Variants in TKFC observed in about 807,000 individuals in gnomAD.
TKFC encodes the protein triokinase and FMN cyclase.
In TKFC, 46 loss-of-function variants were observed where a neutral mutation model predicts 61.0. The ratio of observed to expected loss-of-function variants is 0.75; its 90% CI spans 0.60 to 0.96. TKFC has a LOEUF of 0.96. Ranked by LOEUF, TKFC falls within the 50% of genes least tolerant of loss-of-function variation. TKFC has a pLI of 0.00. For synonymous variants in TKFC, 314 were observed against 330.1 expected, an observed-to-expected ratio of 0.95 and a Z score of 0.53; for missense variants, 715 against 777.5, an observed-to-expected ratio of 0.92 and a Z score of 0.96.
intron 7 of TKFC, chr11:61,342,248 T>G: frequency 1.5e-6 from 1 of 652,796 alleles, no homozygotes; most frequent in Admixed American, 2.7e-5. Context: ...TCGCCTGTGC[T>G]TCCTCCTTAA....
In TKFC at chr11:61,346,315, C is replaced by T; in HGVS notation, c.1576-36C>T. 3 of 1,610,450 alleles carry T rather than the reference C, an allele frequency of 1.9e-6. No homozygotes were observed. In the East Asian group the frequency reaches 6.7e-5, roughly 36 times the overall value. ...GGCAGGAAGGAGGCGGCCTGGTGAT[C>T]TGCCCTTGAACCTGCTCCCACACCC... On this transcript the variant is annotated intron_variant, in intron 17 of 17. Coordinates refer to ENST00000394900, the MANE Select transcript of TKFC (RefSeq NM_015533.4). The surrounding 1 kb of genome is among the most constrained non-coding windows in gnomAD (Gnocchi z 4.1).
downstream of TKFC, chr11:61,353,367 CA>C: frequency 1.6e-6 from 1 of 627,338 alleles, no homozygotes; most frequent in Non-Finnish European, 2.7e-6. Flanking sequence ...CCAGCAAACC[CA>C]ACCACCTTGT....
Position 61,333,320 on chromosome 11 carries a change from G to T in TKFC, c.-119G>T. The T allele has an allele frequency of 5.1e-6, 1 of 194,694 alleles. No individual in the cohort carries two copies. The allele number at this position is 194,694 out of a possible 1,614,324, so 12.1% of individuals were successfully genotyped here. A position where few individuals can be genotyped will look rare whatever the true frequency, so the allele number is the denominator to read the frequency against. Reference sequence around the variant, plus strand: ...GATGTGGCGGATGCGGCCGTGAGCCGGCGGGGGAGGTGCGCCAGTGTCCTC... The same window carrying T: ...GATGTGGCGGATGCGGCCGTGAGCCTGCGGGGGAGGTGCGCCAGTGTCCTC... On this transcript the variant is annotated 5_prime_UTR_variant, in exon 1 of 18. Coordinates refer to ENST00000394900, the MANE Select transcript of TKFC (RefSeq NM_015533.4).
intron 5 of TKFC, 106 bp downstream of exon 5, chr11:61,339,541 T>G: frequency 7.7e-7 from 1 of 1,301,744 alleles, no homozygotes; most frequent in Non-Finnish European, 1.0e-6. Context: ...AAGAAGCTAG[T>G]TCTTTTTCTC....
intron 2 of TKFC, among the ~76,000 whole-genome samples, chr11:61,336,807 C>A (rs1013591432): frequency 2.6e-5 from 4 of 152,198 alleles, no homozygotes; most frequent in African/African-American, 9.6e-5. Flanking sequence ...CTGTCCACAA[C>A]CCCTCCTGAG....
chr11:61,348,367 T>C lies in TKFC; in HGVS notation c.*1864T>C, dbSNP rs1857241399. 1 of 985,146 alleles carries C rather than the reference T, an allele frequency of 1.0e-6. No homozygotes were observed. The highest frequency in any genetic ancestry group is 1.7e-5 in the African/African-American group (1 of 57,310). The allele number at this position is 985,146 out of a possible 1,614,324, so 61.0% of individuals were successfully genotyped here. On this transcript the variant is annotated 3_prime_UTR_variant, in exon 18 of 18. Coordinates refer to ENST00000394900, the MANE Select transcript of TKFC (RefSeq NM_015533.4). ...ATGAAGACAGAGGATCATGTGGATCTTTGGTGCCTTCCGGTTGGCCCCTCC... is the reference window on the plus strand; with the variant it reads ...ATGAAGACAGAGGATCATGTGGATCCTTGGTGCCTTCCGGTTGGCCCCTCC...
downstream of TKFC, chr11:61,353,176 T>C: frequency 6.4e-7 from 1 of 1,555,232 alleles, no homozygotes; most frequent in Non-Finnish European, 8.7e-7. Flanking sequence ...GACTGTGCTA[T>C]GTGTGACCAA....
chr11:61,342,891 C>T (rs776539766), intron 10 of TKFC, 47 bp downstream of exon 10: 2 of 1,585,418 alleles, frequency 1.3e-6, no homozygotes, highest in Non-Finnish European at 8.7e-7. Flanking sequence ...TTGGAAAGGG[C>T]TGAGGGAGGG....
intron 2 of TKFC, 28 bp from the exon 3 acceptor site, chr11:61,337,913 T>G: frequency 6.3e-7 from 1 of 1,580,246 alleles, no homozygotes; most frequent in South Asian, 1.2e-5. Context: ...GACCACATTC[T>G]GACCTCCTTC....
chr11:61,348,049 T>C lies in TKFC; in HGVS notation c.*1546T>C. On this transcript the variant is annotated 3_prime_UTR_variant, in exon 18 of 18. Transcript: ENST00000394900. ...GGCTCCCCGAGTGCCTGGGCTTCTC[T>C]ACCCAGGGTCCTGTCTGTCGGCTGC... 2 of 985,394 alleles carry C rather than the reference T, an allele frequency of 2.0e-6. No individual in the cohort carries two copies. The highest frequency in any genetic ancestry group is 2.4e-6 in the Non-Finnish European group (2 of 829,944). The allele number at this position is 985,394 out of a possible 1,614,324, so 61.0% of individuals were successfully genotyped here. A position where few individuals can be genotyped will look rare whatever the true frequency, so the allele number is the denominator to read the frequency against.
chr11:61,346,482 C>T lies in TKFC; in HGVS notation c.1707C>T (p.Ile569=). The change falls in exon 18 of 18, where the codon ATC becomes ATT. Residue 569 remains isoleucine (I), a synonymous_variant. Transcript: ENST00000394900. The surrounding 1 kb of genome is among the most constrained non-coding windows in gnomAD (Gnocchi z 4.1). The part of the protein sequence containing the change: ...AVAAAAILRA[I]LEVLQS Reference sequence around the variant, plus strand: ...CAGCTGCTGCCATCCTCCGGGCCATCTTGGAGGTCTTGCAGAGCTAGGGTG... The same window carrying T: ...CAGCTGCTGCCATCCTCCGGGCCATTTTGGAGGTCTTGCAGAGCTAGGGTG... 1 of 1,607,560 alleles carries T rather than the reference C, an allele frequency of 6.2e-7. No individual in the cohort carries two copies.
At chr11:61,336,560 A>G (rs1856614289) in intron 2 of TKFC, among the ~76,000 whole-genome samples, 1 of 152,232 alleles carries the variant, frequency 6.6e-6, no homozygotes, top group African/African-American at 2.4e-5. Context: ...TCATGGGCAT[A>G]TACTCTGTTC....
rs1171285160 is a variant in TKFC, at chr11:61,345,720, A to G, written c.1460A>G (p.Lys487Arg). The change falls in exon 16 of 18, where the codon AAG becomes AGG. Residue 487 changes from lysine (K) to arginine (R), a missense_variant. Lys to Arg is a conservative substitution (Grantham distance 26). Coordinates refer to ENST00000394900, the MANE Select transcript of TKFC (RefSeq NM_015533.4). ...CTCTCTTTCCCTGCCAGGTATGGCA[A>G]GGCTGCTCCAGGGGACAGGACTATG... ...AGLEAMQKYG[K>R]AAPGDRTMLD... 1.2e-6 allele frequency: 2 copies of G among 1,614,238 alleles called. No homozygotes were observed. The highest frequency in any genetic ancestry group is 1.7e-6 in the Non-Finnish European group (2 of 1,180,034).
intron 10 of TKFC, 36 bp downstream of exon 10, chr11:61,342,880 T>G: frequency 6.2e-7 from 1 of 1,604,142 alleles, no homozygotes; most frequent in Non-Finnish European, 8.5e-7. Context: ...CCTACAGCCC[T>G]TTGGAAAGGG....
At chr11:61,350,287 A>G (rs1489002186), downstream of TKFC, 6 of 1,395,400 alleles carry the variant, frequency 4.3e-6, no homozygotes, top group Non-Finnish European at 5.9e-6. Flanking sequence ...TGGGCCCAGC[A>G]TTGGAAGAAA....
At chr11:61,351,284 CTTTTTTT>C (rs909648792), downstream of TKFC, 91 of 293,360 alleles carry the variant, frequency 3.1e-4, no homozygotes, top group Middle Eastern at 1.3e-3. Flanking sequence ...AACACCCTTT[CTTTTTTT>C]TTTTTTTTTT....
intron 2 of TKFC, chr11:61,336,184 GTTC>G (rs1454978935): frequency 6.5e-6 from 1 of 154,464 alleles, no homozygotes; most frequent in Non-Finnish European, 1.5e-5. Flanking sequence ...CAATCTTATT[GTTC>G]TTCTTGCTCC....
chr11:61,348,088 G>C lies in TKFC; in HGVS notation c.*1585G>C, dbSNP rs79764531. 16,342 of 985,316 alleles carry C rather than the reference G, an allele frequency of 0.017. 1,721 individuals are homozygous for C. The African/African-American group carries it at 0.23, about 14-fold the overall frequency. 61.0% of individuals were successfully genotyped at this position (985,316 alleles called of 1,614,324 possible). A position where few individuals can be genotyped will look rare whatever the true frequency, so the allele number is the denominator to read the frequency against. On this transcript the variant is annotated 3_prime_UTR_variant, in exon 18 of 18. Coordinates refer to ENST00000394900, the MANE Select transcript of TKFC (RefSeq NM_015533.4). ...TCTGTCGGCTGCACCATACGTCCCTGACCACAAGGCATCCACGTGCACAGG... is the reference window on the plus strand; with the variant it reads ...TCTGTCGGCTGCACCATACGTCCCTCACCACAAGGCATCCACGTGCACAGG...
Position 61,346,991 on chromosome 11 carries a change from G to C in TKFC, c.*488G>C. 5 of 986,968 alleles carry C rather than the reference G, an allele frequency of 5.1e-6. No homozygotes were observed. The highest frequency in any genetic ancestry group is 6.0e-6 in the Non-Finnish European group (5 of 830,984). 61.1% of individuals were successfully genotyped at this position (986,968 alleles called of 1,614,324 possible). ...AGGGGGCCCACAGCCCTGGCTGCAG[G>C]CATCATGACCCATCTTCTACCAGGC... On this transcript the variant is annotated 3_prime_UTR_variant, in exon 18 of 18. Coordinates refer to ENST00000394900, the MANE Select transcript of TKFC (RefSeq NM_015533.4). The surrounding 1 kb of genome is among the most constrained non-coding windows in gnomAD (Gnocchi z 4.1).
Sources: gnomAD v4.1 joint callset for allele counts (sites outside exome capture counted in the v4.1 genomes callset) on GRCh38, gnomAD v4.1.1 for gene constraint, Gnocchi (gnomAD v3.1) non-coding constraint, MANE v1.5 for transcripts, NCBI Gene and HGNC (gene_info 2026-07-23, HGNC 2026-07-21) for gene names.